ADRA1B: variants seen among roughly 807,000 people sequenced by gnomAD.
The protein encoded by ADRA1B is adrenoceptor alpha 1B, also known as alpha-1B adrenergic receptor.
A neutral mutation model predicts 17.9 loss-of-function variants in ADRA1B; 17 were observed. That is an observed-to-expected ratio of 0.95 (90% CI 0.65 to 1.42). The LOEUF (loss-of-function observed/expected upper bound fraction) is 1.42, where lower values mean the gene tolerates loss of function less well. Among genes scored for constraint, ADRA1B ranks in the 40% most tolerant of loss-of-function variants. ADRA1B has a pLI of 0.00. For missense variants in ADRA1B, 681 were observed against 722.1 expected, an observed-to-expected ratio of 0.94 and a Z score of 0.65; for synonymous variants, 366 against 327.6, an observed-to-expected ratio of 1.12 and a Z score of -1.27.
At chr5:159,981,967 A>G in the ADRA1B span, among the ~76,000 whole-genome samples, 1 of 152,238 alleles carries the variant, frequency 6.6e-6, no homozygotes, top group African/African-American at 2.4e-5. Context: ...CTTGCATGTA[A>G]TGCAGCAGAA....
At chr5:159,920,787 G>T (rs1278384570) in intron 1 of ADRA1B, among the ~76,000 whole-genome samples, 2 of 152,110 alleles carry the variant, frequency 1.3e-5, no homozygotes, top group Non-Finnish European at 2.9e-5. Context: ...TAACACCCAA[G>T]CAAAAGCAGC....
intron 1 of ADRA1B, among the ~76,000 whole-genome samples, chr5:159,939,749 G>C (rs142729665): frequency 6.6e-6 from 1 of 152,200 alleles, no homozygotes; most frequent in Non-Finnish European, 1.5e-5. Context: ...AGCCACACAG[G>C]AGCAGTCTCC....
rs183394983 is a variant in ADRA1B at position 159,945,951 on chromosome 5, G to T, written c.950-25928G>T. On this transcript the variant is annotated intron_variant, in intron 1 of 1. Transcript: ENST00000306675. ...TTTAGTAGAGATGGGGTTTCACCAT[G>T]TTAGCCAGGATGGTCTTGATCTTCT... Among the ~76,000 whole-genome samples, 81 of 152,306 alleles carry T rather than the reference G, an allele frequency of 5.3e-4. No homozygotes were observed. The East Asian group carries it at 0.011, about 21-fold the overall frequency.
upstream of ADRA1B, among the ~76,000 whole-genome samples, chr5:159,913,483 G>A (rs548571794): frequency 1.6e-4 from 24 of 152,296 alleles, no homozygotes; most frequent in African/African-American, 2.9e-4. Flanking sequence ...TTGCCTTCAC[G>A]AAACACACTG....
intron 1 of ADRA1B, among the ~76,000 whole-genome samples, chr5:159,924,905 G>A (rs760946408): frequency 3.9e-5 from 6 of 152,148 alleles, no homozygotes; most frequent in African/African-American, 1.4e-4. Context: ...AGGTCTCATC[G>A]AGTGCCAGGC....
intron 1 of ADRA1B, among the ~76,000 whole-genome samples, chr5:159,919,112 A>G (rs1754408383): frequency 2.0e-5 from 3 of 152,202 alleles, no homozygotes; most frequent in Admixed American, 2.0e-4. Flanking sequence ...ATTTAAAAAG[A>G]AAGAAAAAGA....
intron 1 of ADRA1B, chr5:159,951,555 G>C: frequency 1.8e-6 from 1 of 559,452 alleles, no homozygotes; most frequent in Non-Finnish European, 3.3e-6. Context: ...CTGTCGAACG[G>C]GAGGAGCAGA....
chr5:159,944,663 C>T (rs189556234), intron 1 of ADRA1B, among the ~76,000 whole-genome samples: 1 of 152,086 alleles, frequency 6.6e-6, no homozygotes, highest in Non-Finnish European at 1.5e-5. Context: ...GTGCTAAGTG[C>T]CTCATATATG....
At chr5:159,988,190 T>G in the ADRA1B span, among the ~76,000 whole-genome samples, 2 of 152,082 alleles carry the variant, frequency 1.3e-5, no homozygotes, top group Admixed American at 6.6e-5. Flanking sequence ...CTGCTGACTT[T>G]GAAGATGGGA....
At chr5:159,880,332 A>C (rs1189939154) in intron 1 of ADRA1B, among the ~76,000 whole-genome samples, 1 of 152,242 alleles carries the variant, frequency 6.6e-6, no homozygotes, top group Non-Finnish European at 1.5e-5. Context: ...CTTCTTCCCC[A>C]CACCAGGCAC....
chr5:159,900,054 C>G lies in ADRA1B; in HGVS notation c.-255-16065C>G, dbSNP rs78403662. On this transcript the variant is annotated intron_variant, in intron 1 of 2. Coordinates refer to the ADRA1B transcript ENST00000641205. ...ATCAACACAGTAATTCTCATACGTG[C>G]TGAATCTAGTTTAAATAGTCTATTC... 7.2e-3 allele frequency among the ~76,000 whole-genome samples: 1,094 copies of G among 152,290 alleles called. 13 individuals carry two copies. The highest frequency in any genetic ancestry group is 0.025 in the African/African-American group (1,024 of 41,554).
intron 1 of ADRA1B, among the ~76,000 whole-genome samples, chr5:159,901,189 A>G (rs1754096626): frequency 6.6e-6 from 1 of 151,766 alleles, no homozygotes; most frequent in Admixed American, 6.6e-5. Context: ...AGAGTCAGAG[A>G]TCAAAGATAA....
At chr5:159,881,061 C>G (rs1053082763) in intron 1 of ADRA1B, among the ~76,000 whole-genome samples, 3 of 152,034 alleles carry the variant, frequency 2.0e-5, no homozygotes, top group African/African-American at 7.2e-5. Flanking sequence ...GTAGTCCCAG[C>G]TACTCGGGAG....
the ADRA1B span, among the ~76,000 whole-genome samples, chr5:159,978,999 T>C: frequency 2.0e-5 from 3 of 152,200 alleles, no homozygotes; most frequent in African/African-American, 4.8e-5. Context: ...TTTGCTCTCA[T>C]GAAAATTTCA....
At chr5:159,944,428 C>T (rs534069771) in intron 1 of ADRA1B, among the ~76,000 whole-genome samples, 27 of 152,330 alleles carry the variant, frequency 1.8e-4, no homozygotes, top group Middle Eastern at 6.8e-3. Context: ...CTCTGTTAAT[C>T]AGTTAATTAT....
At chr5:159,908,183 A>C (rs1016981017) in intron 1 of ADRA1B, among the ~76,000 whole-genome samples, 7 of 152,160 alleles carry the variant, frequency 4.6e-5, no homozygotes, top group Non-Finnish European at 1.0e-4. Flanking sequence ...TGTTGTGCAC[A>C]CAGCCCAGCA....
At chr5:159,951,021 C>A in intron 1 of ADRA1B, 1 of 682,228 alleles carries the variant, frequency 1.5e-6, no homozygotes, top group East Asian at 2.9e-5. Context: ...ATGACCTCGC[C>A]CAGGGGCACT....
At chr5:159,907,293 C>A (rs1754172676) in intron 1 of ADRA1B, among the ~76,000 whole-genome samples, 1 of 152,168 alleles carries the variant, frequency 6.6e-6, no homozygotes, top group African/African-American at 2.4e-5. Flanking sequence ...CAAGCCCTGG[C>A]TCTCTGGATA....
At chr5:159,922,225 C>T (rs906506917) in intron 1 of ADRA1B, among the ~76,000 whole-genome samples, 1 of 152,212 alleles carries the variant, frequency 6.6e-6, no homozygotes, top group Non-Finnish European at 1.5e-5. Context: ...CTCCTACAGA[C>T]GTTATCTCAT....
Sources: allele counts gnomAD v4.1 joint callset (sites outside exome capture counted in the v4.1 genomes callset), GRCh38; gene constraint gnomAD v4.1.1; transcripts MANE v1.5; gene names NCBI Gene and HGNC (gene_info 2026-07-23, HGNC 2026-07-21).